The following PC variants were observed in gnomAD, a reference collection of about 807,000 sequenced individuals.
PC encodes the protein pyruvate carboxylase, also known as pyruvate carboxylase, mitochondrial.
A neutral mutation model predicts 107.8 loss-of-function variants in PC; 46 were observed. That is an observed-to-expected ratio of 0.43 (90% CI 0.34 to 0.55). The LOEUF (loss-of-function observed/expected upper bound fraction) is 0.55, where lower values mean the gene tolerates loss of function less well. Among genes scored for constraint, PC ranks in the 20% least tolerant of loss-of-function variants. The probability of loss-of-function intolerance (pLI) is 0.04; values close to 1 mark genes in which losing one functional copy is unlikely to be tolerated. For synonymous variants in PC, 662 were observed against 684.7 expected (o/e 0.97, Z 0.52); for missense variants, 1,241 against 1,643.1 (o/e 0.76, Z 4.23).
chr11:66,886,493 G>C (rs1474592542), intron 3 of PC, among the ~76,000 whole-genome samples: 1 of 152,124 alleles, frequency 6.6e-6, no homozygotes, highest in Non-Finnish European at 1.5e-5. Context: ...AGCTGGATTT[G>C]AGAAGGAAAG....
At position 66,858,560 on chromosome 11, in the gene PC, C is replaced by G. The variant is rs770206065; in HGVS notation, c.1369-5177G>C. On this transcript the variant is annotated intron_variant, in intron 12 of 22. Transcript: ENST00000393960. This position sits in a 1 kb window ranked among gnomAD's most constrained non-coding sequence, Gnocchi z 5.9. ...CCGGCCGCTACTTCTGGGCAGTGCCCGAGGGCGAGTTCTCCTGTGAGCCGC... is the reference window on the plus strand; with the variant it reads ...CCGGCCGCTACTTCTGGGCAGTGCCGGAGGGCGAGTTCTCCTGTGAGCCGC... 3 of 1,532,876 alleles carry G rather than the reference C, an allele frequency of 2.0e-6. No individual in the cohort carries two copies. The highest frequency in any genetic ancestry group is 1.4e-5 in the African/African-American group (1 of 72,932). The allele number at this position is 1,532,876 out of a possible 1,614,324, so 95.0% of individuals were successfully genotyped here. A position where few individuals can be genotyped will look rare whatever the true frequency, so the allele number is the denominator to read the frequency against.
chr11:66,889,729 C>A (rs199875786), intron 3 of PC, among the ~76,000 whole-genome samples: 1 of 151,510 alleles, frequency 6.6e-6, no homozygotes, highest in South Asian at 2.1e-4. Flanking sequence ...GGAAAAAAAA[C>A]CACACTCTGC....
At chr11:66,859,286 G>A (rs1455149514) in intron 12 of PC, among the ~76,000 whole-genome samples, 2 of 152,134 alleles carry the variant, frequency 1.3e-5, no homozygotes, top group Admixed American at 6.5e-5. Context: ...CTCAAGGGGC[G>A]GCAGAAGGAC....
At chr11:66,859,584 AGGATGGGGCTAGACCCCAGCCCCG>A in intron 12 of PC, 1 of 1,605,672 alleles carries the variant, frequency 6.2e-7, no homozygotes, top group Non-Finnish European at 8.5e-7. Flanking sequence ...TGGGGAGGTG[AGGATGGGGCTAGACCCCAGCCCCG>A]GGCTCTGACC....
At chr11:66,917,653 C>T (rs192635567) in intron 3 of PC, among the ~76,000 whole-genome samples, 7 of 152,314 alleles carry the variant, frequency 4.6e-5, no homozygotes, top group African/African-American at 1.4e-4. Flanking sequence ...CTTAGCTAGA[C>T]GTAAGCTTCA....
intron 3 of PC, among the ~76,000 whole-genome samples, chr11:66,898,595 G>A (rs988387254): frequency 2.6e-5 from 4 of 152,268 alleles, no homozygotes; most frequent in Non-Finnish European, 4.4e-5. Flanking sequence ...CAGGAGAATC[G>A]CTTGAACCCA....
chr11:66,956,564 G>A (rs1235547196), intron 1 of PC, among the ~76,000 whole-genome samples: 6 of 152,082 alleles, frequency 3.9e-5, no homozygotes, highest in Admixed American at 6.6e-5. Flanking sequence ...CAGCCTGGGC[G>A]ACAAGAGCGA....
intron 3 of PC, among the ~76,000 whole-genome samples, chr11:66,893,554 A>G (rs1457045369): frequency 6.6e-6 from 1 of 152,200 alleles, no homozygotes; most frequent in Non-Finnish European, 1.5e-5. Context: ...ATTCTGCAAC[A>G]TGAATTAATC....
At chr11:66,935,445 G>T (rs1948972500) in intron 3 of PC, among the ~76,000 whole-genome samples, 1 of 152,182 alleles carries the variant, frequency 6.6e-6, no homozygotes. Context: ...CCCTGCCTTA[G>T]ATGGAGGTAG....
chr11:66,892,228 C>T (rs1171863203), intron 3 of PC, among the ~76,000 whole-genome samples: 3 of 152,208 alleles, frequency 2.0e-5, no homozygotes, highest in African/African-American at 7.2e-5. Flanking sequence ...AGATGAAGAA[C>T]ACTTCCCCTG....
intron 3 of PC, among the ~76,000 whole-genome samples, chr11:66,908,876 A>G (rs1230758790): frequency 6.6e-6 from 1 of 152,120 alleles, no homozygotes; most frequent in African/African-American, 2.4e-5. Context: ...CTTCAGGTCC[A>G]GGATCCTGAC....
intron 3 of PC, among the ~76,000 whole-genome samples, chr11:66,916,539 T>C (rs1948466947): frequency 6.6e-6 from 1 of 152,216 alleles, no homozygotes; most frequent in Non-Finnish European, 1.5e-5. Flanking sequence ...GACCACAGTT[T>C]AGTCACCTTA....
chr11:66,853,647 C>A (rs1256489083), intron 12 of PC, among the ~76,000 whole-genome samples: 3 of 152,328 alleles, frequency 2.0e-5, no homozygotes, highest in African/African-American at 4.8e-5. Flanking sequence ...TGCCTCCCCG[C>A]AGCCTAGAAC....
intron 3 of PC, among the ~76,000 whole-genome samples, chr11:66,877,570 CCT>C (rs762634792): frequency 1.5e-4 from 23 of 152,262 alleles, no homozygotes; most frequent in Middle Eastern, 6.8e-3. Context: ...GGGTTATGCC[CCT>C]GAGCCCAGTC....
At chr11:66,853,622 G>A (rs1422705421) in intron 12 of PC, among the ~76,000 whole-genome samples, 1 of 152,164 alleles carries the variant, frequency 6.6e-6, no homozygotes, top group Non-Finnish European at 1.5e-5. Flanking sequence ...AGCATGTGCT[G>A]AAGGCCACCC....
At position 66,868,970 on chromosome 11, in the gene PC, G is replaced by C. The variant is rs1946615566; in HGVS notation, c.904-6C>G. 1 of 1,611,230 alleles carries C rather than the reference G, an allele frequency of 6.2e-7. No homozygotes were observed. Among genetic ancestry groups the C allele is most frequent in the African/African-American group, 1.3e-5 (1 of 74,874 alleles). On this transcript the variant is annotated splice_polypyrimidine_tract_variant and splice_region_variant and intron_variant, in intron 9 of 22. Transcript: ENST00000393960. ...CCTGCGTTCTCGTAGCCCACCTGTG[G>C]GGGCGGCCACGTGAGCAGGGGAGGG...
At position 66,852,319 on chromosome 11, in the gene PC, T is replaced by G; in HGVS notation, c.1825+120A>C. The G allele has an allele frequency of 1.1e-6, 1 of 909,250 alleles. No homozygotes were observed. Among genetic ancestry groups the G allele is most frequent in the South Asian group, 1.4e-5 (1 of 73,372 alleles). 56.3% of individuals were successfully genotyped at this position (909,250 alleles called of 1,614,324 possible). A position where few individuals can be genotyped will look rare whatever the true frequency, so the allele number is the denominator to read the frequency against. On this transcript the variant is annotated intron_variant, in intron 15 of 22. Coordinates refer to ENST00000393960, the MANE Select transcript of PC (RefSeq NM_001040716.2). This position sits in a 1 kb window ranked among gnomAD's most constrained non-coding sequence, Gnocchi z 4.7. The stretch of plus-strand genomic sequence containing the variant: ...GAGGGCGCTGTGCCTTCTTCGGTCC[T>G]TCCTCTTTGGTGTTCTTCGTGTCAG...
intron 3 of PC, among the ~76,000 whole-genome samples, chr11:66,878,473 G>A (rs1431256521): frequency 6.6e-6 from 1 of 152,222 alleles, no homozygotes; most frequent in Non-Finnish European, 1.5e-5. Context: ...CTGCCCCACA[G>A]CGTGGCCACC....
chr11:66,923,626 G>A (rs114422272), intron 3 of PC, among the ~76,000 whole-genome samples: 1,891 of 151,852 alleles, frequency 0.012, 44 homozygotes, highest in African/African-American at 0.042. Flanking sequence ...TGATTCTCCC[G>A]CTTCAGTCAC....
Sources: allele counts gnomAD v4.1 joint callset (sites outside exome capture counted in the v4.1 genomes callset), GRCh38; gene constraint gnomAD v4.1.1; non-coding constraint Gnocchi (gnomAD v3.1); transcripts MANE v1.5; gene names NCBI Gene and HGNC (gene_info 2026-07-23, HGNC 2026-07-21).